PAH: variants seen among roughly 807,000 people sequenced by gnomAD.
PAH encodes phenylalanine hydroxylase.
Under a neutral mutation model 62.0 loss-of-function variants are expected in PAH, and 64 were observed. The ratio of observed to expected loss-of-function variants is 1.03; its 90% CI spans 0.84 to 1.27. PAH has a LOEUF of 1.27. Among genes scored for constraint, PAH ranks in the 50% most tolerant of loss-of-function variants. The pLI is 0.00. For missense variants in PAH, 579 were observed against 542.8 expected (o/e 1.07, Z -0.66); for synonymous variants, 195 against 196.2 (o/e 0.99, Z 0.05).
At chr12:102,919,798 A>T (rs1009096769), upstream of PAH, among the ~76,000 whole-genome samples, 1 of 152,198 alleles carries the variant, frequency 6.6e-6, no homozygotes, top group African/African-American at 2.4e-5. Context: ...TTTATTGCTG[A>T]ATAGTACTCC....
At chr12:102,937,194 T>C in intron 1 of PAH, among the ~76,000 whole-genome samples, 1 of 152,320 alleles carries the variant, frequency 6.6e-6, no homozygotes, top group East Asian at 1.9e-4. Context: ...AGTCTCAAGC[T>C]TGTCTTTATA....
At chr12:102,899,886 A>AAAAAAAT (rs1877678122) in intron 2 of PAH, among the ~76,000 whole-genome samples, 1 of 143,558 alleles carries the variant, frequency 7.0e-6, no homozygotes. Context: ...AAAAAAAAAA[A>AAAAAAAT]AGTGAGTAAC....
rs869312996 is a variant in PAH, at chr12:102,912,849, A to G, written c.110T>C (p.Leu37Pro). The part of the protein sequence containing the change: ...DNCNQNGAIS[L>P]IFSLKEEVGA... ...AACTTCTTCTTTGAGTGAGAAGATC[A>G]GTGATATGGCACCATTTTGATTGCA... Residue 37 changes from leucine (L) to proline (P), a missense_variant, in exon 2 of 13, where the codon CTG becomes CCG. Leu to Pro is a moderately conservative substitution (Grantham distance 98). Coordinates refer to ENST00000553106, the MANE Select transcript of PAH (RefSeq NM_000277.3). The G allele has an allele frequency of 1.2e-6, 2 of 1,613,804 alleles. No homozygotes were observed. Among genetic ancestry groups the G allele is most frequent in the Non-Finnish European group, 1.7e-6 (2 of 1,179,718 alleles).
At chr12:102,840,680 G>A (rs749515905) in intron 11 of PAH, among the ~76,000 whole-genome samples, 165 bp from the exon 12 acceptor site, 78 of 152,236 alleles carry the variant, frequency 5.1e-4, no homozygotes, top group Admixed American at 3.6e-3. Flanking sequence ...GTTTTAATGA[G>A]TCTTCTTGGG....
intron 8 of PAH, among the ~76,000 whole-genome samples, chr12:102,850,957 G>A (rs1442986105): frequency 2.0e-5 from 3 of 152,042 alleles, no homozygotes; most frequent in Non-Finnish European, 4.4e-5. Flanking sequence ...GAAAGTATGT[G>A]CTTGTAGTCC....
rs910028466 is a variant in PAH, at chr12:102,837,739, A to G, written c.*1436T>C. On this transcript the variant is annotated 3_prime_UTR_variant, in exon 13 of 13. Coordinates refer to ENST00000553106, the MANE Select transcript of PAH (RefSeq NM_000277.3). ...TTAACTCCCTCATTGTTAGAGTGAC[A>G]CTGAGGTCTAAAGAAGGGAAACAGC... 1 of 152,214 alleles carries G rather than the reference A, an allele frequency of 6.6e-6. No homozygotes were observed. The highest frequency in any genetic ancestry group is 2.4e-5 in the African/African-American group (1 of 41,456). 9.4% of individuals were successfully genotyped at this position (152,214 alleles called of 1,614,324 possible).
intron 4 of PAH, among the ~76,000 whole-genome samples, chr12:102,876,422 C>T (rs891724762): frequency 6.6e-6 from 1 of 152,196 alleles, no homozygotes; most frequent in Non-Finnish European, 1.5e-5. Context: ...TCAGGCTCCT[C>T]GGGCCTCACT....
chr12:102,885,458 G>A (rs562352484), intron 3 of PAH, among the ~76,000 whole-genome samples: 13 of 152,302 alleles, frequency 8.5e-5, no homozygotes, highest in Admixed American at 5.9e-4. Context: ...TGGGCTCCGC[G>A]GTTAATGAAT....
chr12:102,898,485 A>G (rs184018917), intron 2 of PAH, among the ~76,000 whole-genome samples: 1 of 152,352 alleles, frequency 6.6e-6, no homozygotes, highest in East Asian at 1.9e-4. Flanking sequence ...ATATAACTAA[A>G]TAACTCTAAA....
At chr12:102,903,348 G>A (rs1404153749) in intron 2 of PAH, among the ~76,000 whole-genome samples, 3 of 138,626 alleles carry the variant, frequency 2.2e-5, no homozygotes, top group Non-Finnish European at 3.1e-5. Context: ...GGGATAGAGT[G>A]AGATTCTGTC....
chr12:102,953,988 C>A (rs181927403), upstream of PAH, among the ~76,000 whole-genome samples: 2 of 152,322 alleles, frequency 1.3e-5, no homozygotes, highest in East Asian at 3.9e-4. Flanking sequence ...AGGTATCAAA[C>A]CTTCCTTTTG....
intron 9 of PAH, 90 bp downstream of exon 9, chr12:102,846,805 C>T (rs1397529561): frequency 6.6e-6 from 7 of 1,068,286 alleles, no homozygotes; most frequent in Non-Finnish European, 1.0e-5. Context: ...CCCAGATAAC[C>T]TGGCTTCCAG....
intron 6 of PAH, 44 bp from the exon 7 acceptor site, chr12:102,852,994 G>A: frequency 6.2e-7 from 1 of 1,609,632 alleles, no homozygotes; most frequent in South Asian, 1.1e-5. Context: ...CATCACCACT[G>A]AGTCAGAGGC....
At chr12:102,921,784 T>C (rs1433379248), upstream of PAH, among the ~76,000 whole-genome samples, 1 of 152,192 alleles carries the variant, frequency 6.6e-6, no homozygotes, top group Non-Finnish European at 1.5e-5. Flanking sequence ...CAATCAATTG[T>C]CTTTTGGGAT....
In PAH at chr12:102,890,733, T is replaced by C. The variant is rs185016108; in HGVS notation, c.352+4002A>G. Among the ~76,000 whole-genome samples the C allele has an allele frequency of 2.8e-3, 426 of 152,332 alleles. 6 individuals are homozygous for C. The South Asian group carries it at 0.045, about 16-fold the overall frequency. On this transcript the variant is annotated intron_variant, in intron 3 of 12. Coordinates refer to ENST00000553106, the MANE Select transcript of PAH (RefSeq NM_000277.3). ...CCCCATTAGGGAATTGAATCTGTGC[T>C]TCCTCCAGGCTCCAATAAACCCAAC...
chr12:102,949,164 CA>C (rs772017294), intron 1 of PAH, among the ~76,000 whole-genome samples: 1 of 152,180 alleles, frequency 6.6e-6, no homozygotes, highest in East Asian at 1.9e-4. Flanking sequence ...TGGTGAGTTT[CA>C]TCCGTTTGCA....
chr12:102,958,085 T>G, intron 1 of PAH: 1 of 485,284 alleles, frequency 2.1e-6, no homozygotes, highest in African/African-American at 2.0e-5. Flanking sequence ...CCCGGGGATT[T>G]TGTATATATT....
upstream of PAH, among the ~76,000 whole-genome samples, chr12:102,917,912 AC>A (rs17041406): frequency 9.2e-5 from 14 of 152,332 alleles, no homozygotes; most frequent in East Asian, 1.9e-3. Flanking sequence ...CCACATAAAC[AC>A]TCAGTAAATG....
chr12:102,929,007 G>T (rs1406181424), intron 1 of PAH, among the ~76,000 whole-genome samples: 2 of 152,138 alleles, frequency 1.3e-5, no homozygotes, highest in Non-Finnish European at 2.9e-5. Context: ...TGTTCTCATG[G>T]TAATAAATGA....
Sources: allele counts gnomAD v4.1 joint callset (sites outside exome capture counted in the v4.1 genomes callset), GRCh38; gene constraint gnomAD v4.1.1; transcripts MANE v1.5; gene names NCBI Gene and HGNC (gene_info 2026-07-23, HGNC 2026-07-21).